SUGCT: variants seen among roughly 807,000 people sequenced by gnomAD.
The protein encoded by SUGCT is succinyl-CoA:glutarate CoA-transferase.
Under a neutral mutation model 55.0 loss-of-function variants are expected in SUGCT, and 41 were observed. The ratio of observed to expected loss-of-function variants is 0.74; its 90% CI spans 0.58 to 0.97. The LOEUF (loss-of-function observed/expected upper bound fraction) is 0.97, where lower values mean the gene tolerates loss of function less well. Ranked by LOEUF, SUGCT falls within the 50% of genes least tolerant of loss-of-function variation. The pLI is 0.00. For missense variants in SUGCT, 568 were observed against 547.8 expected, an observed-to-expected ratio of 1.04 and a Z score of -0.37; for synonymous variants, 187 against 200.4, an observed-to-expected ratio of 0.93 and a Z score of 0.56.
intron 1 of SUGCT, among the ~76,000 whole-genome samples, chr7:40,136,204 G>T (rs1787686607): frequency 6.6e-6 from 1 of 152,070 alleles, no homozygotes; most frequent in Non-Finnish European, 1.5e-5. Flanking sequence ...CACCATGTTG[G>T]CCAGGCTGGT....
At chr7:40,539,444 C>T (rs1794553879) in intron 12 of SUGCT, 1 of 152,098 alleles carries the variant, frequency 6.6e-6, no homozygotes, top group South Asian at 2.1e-4. Flanking sequence ...CTGTGTAGTC[C>T]AGCACATTCA....
chr7:40,282,619 G>T (rs1793041251), intron 8 of SUGCT, among the ~76,000 whole-genome samples: 1 of 152,134 alleles, frequency 6.6e-6, no homozygotes, highest in South Asian at 2.1e-4. Flanking sequence ...GGCCAGTGCA[G>T]TGGCCTGTAA....
intron 12 of SUGCT, among the ~76,000 whole-genome samples, chr7:40,738,755 T>C (rs1025636700): frequency 2.6e-5 from 4 of 152,202 alleles, no homozygotes; most frequent in Admixed American, 2.6e-4. Context: ...ATCCTCCCAG[T>C]AGATGGATTA....
chr7:40,682,836 T>A (rs999092117), intron 12 of SUGCT, among the ~76,000 whole-genome samples: 1 of 152,102 alleles, frequency 6.6e-6, no homozygotes, highest in African/African-American at 2.4e-5. Flanking sequence ...GTTTTGTGAA[T>A]GTGGATCTAA....
chr7:40,498,817 A>G (rs1341689481), intron 12 of SUGCT, among the ~76,000 whole-genome samples: 1 of 152,206 alleles, frequency 6.6e-6, no homozygotes, highest in Non-Finnish European at 1.5e-5. Context: ...ACCTTTGTGT[A>G]GTGGATAGAG....
chr7:40,359,368 C>A (rs1469355411), intron 9 of SUGCT, among the ~76,000 whole-genome samples: 1 of 152,114 alleles, frequency 6.6e-6, no homozygotes, highest in Non-Finnish European at 1.5e-5. Flanking sequence ...CCACACCTGG[C>A]TGATTTTTAT....
the SUGCT span, among the ~76,000 whole-genome samples, chr7:40,888,336 T>C: frequency 6.6e-6 from 1 of 150,880 alleles, no homozygotes; most frequent in African/African-American, 2.4e-5. Context: ...CCACAAAAGG[T>C]AGAGATAGGG....
intron 12 of SUGCT, among the ~76,000 whole-genome samples, chr7:40,660,327 C>T (rs998874609): frequency 6.6e-6 from 1 of 152,108 alleles, no homozygotes; most frequent in Non-Finnish European, 1.5e-5. Flanking sequence ...GGCATGATCT[C>T]GGCTCGCTGC....
At chr7:41,001,141 A>C in the SUGCT span, among the ~76,000 whole-genome samples, 1 of 152,160 alleles carries the variant, frequency 6.6e-6, no homozygotes, top group Non-Finnish European at 1.5e-5. Flanking sequence ...GATATTTAAC[A>C]TGATGAGTCT....
intron 12 of SUGCT, among the ~76,000 whole-genome samples, chr7:40,656,766 G>C (rs1292491529): frequency 1.3e-5 from 2 of 152,206 alleles, no homozygotes; most frequent in African/African-American, 4.8e-5. Context: ...GGGAAGGAAA[G>C]AATGATGATC....
intron 12 of SUGCT, among the ~76,000 whole-genome samples, chr7:40,506,842 A>C (rs1286378203): frequency 6.6e-6 from 1 of 152,070 alleles, no homozygotes; most frequent in Admixed American, 6.6e-5. Context: ...TTTTCATTTC[A>C]GTTATTGTAC....
chr7:40,974,751 G>A, the SUGCT span, among the ~76,000 whole-genome samples: 2 of 152,168 alleles, frequency 1.3e-5, no homozygotes, highest in African/African-American at 4.8e-5. Flanking sequence ...GGTACCAAAT[G>A]AATTCTCTGA....
intron 12 of SUGCT, among the ~76,000 whole-genome samples, chr7:40,697,237 C>T (rs749645298): frequency 4.6e-5 from 7 of 152,186 alleles, no homozygotes; most frequent in Non-Finnish European, 1.0e-4. Flanking sequence ...TGACTCTTTT[C>T]TGTTTATAAG....
chr7:40,214,659 T>C (rs939557360), intron 6 of SUGCT, among the ~76,000 whole-genome samples: 3 of 152,128 alleles, frequency 2.0e-5, no homozygotes, highest in African/African-American at 7.2e-5. Context: ...CTCATGCCTG[T>C]AATCCGAGCA....
At chr7:40,863,489 T>C (rs1397403632), downstream of SUGCT, among the ~76,000 whole-genome samples, 1 of 152,184 alleles carries the variant, frequency 6.6e-6, no homozygotes, top group East Asian at 1.9e-4. Flanking sequence ...TACGTAGGAT[T>C]CATACTCCAG....
intron 12 of SUGCT, among the ~76,000 whole-genome samples, chr7:40,527,051 AC>A (rs1212144123): frequency 6.6e-6 from 1 of 152,192 alleles, no homozygotes; most frequent in Non-Finnish European, 1.5e-5. Context: ...TCGCTTATAA[AC>A]ATACTTATTG....
At chr7:40,169,283 A>T (rs1416519190) in intron 1 of SUGCT, among the ~76,000 whole-genome samples, 6 of 152,130 alleles carry the variant, frequency 3.9e-5, no homozygotes, top group African/African-American at 1.2e-4. Context: ...AGTGGCTGGG[A>T]GAAGTATCTA....
intron 9 of SUGCT, among the ~76,000 whole-genome samples, chr7:40,370,621 T>C (rs935654071): frequency 3.6e-5 from 2 of 55,050 alleles, no homozygotes; most frequent in Admixed American, 3.9e-4. Context: ...GAGAGAGAGA[T>C]GGGGGAGAGA....
intron 12 of SUGCT, among the ~76,000 whole-genome samples, chr7:40,565,506 A>G (rs1796080125): frequency 6.6e-6 from 1 of 152,278 alleles, no homozygotes; most frequent in Non-Finnish European, 1.5e-5. Context: ...TTTATTGCAC[A>G]TCGTTTATAT....
Sources: allele counts gnomAD v4.1 joint callset (sites outside exome capture counted in the v4.1 genomes callset), GRCh38; gene constraint gnomAD v4.1.1; transcripts MANE v1.5; gene names NCBI Gene and HGNC (gene_info 2026-07-23, HGNC 2026-07-21).